The following TANGO6 variants were observed in gnomAD, a reference collection of about 807,000 sequenced individuals.
The protein encoded by TANGO6 is transport and golgi organization 6 homolog, also known as transport and Golgi organization protein 6 homolog.
Under a neutral mutation model 114.2 loss-of-function variants are expected in TANGO6, and 90 were observed. The observed-to-expected ratio is 0.79, with a 90% confidence interval of 0.66 to 0.94. The LOEUF (loss-of-function observed/expected upper bound fraction) is 0.94, where lower values mean the gene tolerates loss of function less well. Ranked by LOEUF, TANGO6 falls within the 40% of genes least tolerant of loss-of-function variation. The pLI is 0.00. For synonymous variants in TANGO6, 477 were observed against 509.8 expected (o/e 0.94, Z 0.87); for missense variants, 1,274 against 1,315.3 (o/e 0.97, Z 0.49).
intron 17 of TANGO6, among the ~76,000 whole-genome samples, chr16:69,053,308 C>T (rs1959982992): frequency 6.6e-6 from 1 of 152,172 alleles, no homozygotes; most frequent in Admixed American, 6.6e-5. Context: ...TTTTTAATAT[C>T]AGCATTCAGT....
intron 17 of TANGO6, among the ~76,000 whole-genome samples, chr16:69,069,299 G>A (rs1960263439): frequency 6.6e-6 from 1 of 152,134 alleles, no homozygotes; most frequent in Non-Finnish European, 1.5e-5. Flanking sequence ...CACAATGTGG[G>A]AAATTTTGCT....
intron 14 of TANGO6, chr16:68,973,123 C>T (rs1481305547): frequency 2.2e-6 from 1 of 455,942 alleles, no homozygotes; most frequent in Middle Eastern, 3.3e-4. Context: ...CAAATAGCTC[C>T]ATCTGCAATG....
At chr16:68,922,193 G>T (rs1416303549) in intron 12 of TANGO6, among the ~76,000 whole-genome samples, 1 of 150,986 alleles carries the variant, frequency 6.6e-6, no homozygotes, top group Admixed American at 6.6e-5. Flanking sequence ...GAGTTAATTT[G>T]GAAAAAGCAT....
intron 17 of TANGO6, among the ~76,000 whole-genome samples, chr16:69,067,552 GCAC>G (rs1960234713): frequency 6.9e-6 from 1 of 144,152 alleles, no homozygotes. Context: ...GGGCGCCGTG[GCAC>G]ACGCCTATAA....
chr16:69,011,888 C>A (rs971644839), intron 15 of TANGO6, among the ~76,000 whole-genome samples: 6 of 152,174 alleles, frequency 3.9e-5, no homozygotes, highest in Non-Finnish European at 5.9e-5. Context: ...CTTCCAAATT[C>A]TAATTTGTTA....
At chr16:69,074,233 A>C (rs1403062014) in intron 17 of TANGO6, among the ~76,000 whole-genome samples, 2 of 152,098 alleles carry the variant, frequency 1.3e-5, no homozygotes, top group African/African-American at 2.4e-5. Flanking sequence ...GGGAAAACAA[A>C]TAACAACAAC....
intron 15 of TANGO6, among the ~76,000 whole-genome samples, chr16:68,990,107 C>G (rs1242878640): frequency 3.3e-5 from 5 of 152,150 alleles, no homozygotes; most frequent in African/African-American, 7.2e-5. Context: ...GATCACAGCT[C>G]AATGCAGCCT....
At chr16:68,883,898 C>T (rs568131566) in intron 7 of TANGO6, among the ~76,000 whole-genome samples, 1 of 152,084 alleles carries the variant, frequency 6.6e-6, no homozygotes, top group Admixed American at 6.6e-5. Context: ...AACTCATTCT[C>T]CATAGCATTC....
At chr16:69,067,659 C>T (rs935375871) in intron 17 of TANGO6, among the ~76,000 whole-genome samples, 2 of 145,760 alleles carry the variant, frequency 1.4e-5, no homozygotes, top group East Asian at 2.1e-4. Flanking sequence ...CTCTACTGGC[C>T]GGGCACAGTG....
Position 68,860,121 on chromosome 16 carries a change from G to A in TANGO6, c.332G>A (p.Arg111His), listed in dbSNP as rs199965791. 2,570 of 1,613,958 alleles carry A rather than the reference G, an allele frequency of 1.6e-3. No individual in the cohort carries two copies. Among genetic ancestry groups the A allele is most frequent in the Non-Finnish European group, 2.0e-3 (2,413 of 1,179,892 alleles). Residue 111 changes from arginine (R) to histidine (H), a missense_variant, in exon 2 of 18, where the codon CGC becomes CAC. By Grantham distance (29) the Arg-to-His change is conservative. This residue lies in a region of TANGO6 where 908 missense variants were observed against 910.2 expected (regional missense o/e 1.00). Transcript: ENST00000261778. ...LLLCLKETMI[R>H]LAANFNPGKP... ...TTGTGCTTGAAGGAAACCATGATCCGCCTTGCAGCTAATTTCAATCCAGGT... is the reference window on the plus strand; with the variant it reads ...TTGTGCTTGAAGGAAACCATGATCCACCTTGCAGCTAATTTCAATCCAGGT...
Position 69,051,549 on chromosome 16 carries a change from A to T in TANGO6, c.3108+11128A>T, listed in dbSNP as rs540694854. Among the ~76,000 whole-genome samples, 9 of 152,192 alleles carry T rather than the reference A, an allele frequency of 5.9e-5. No homozygotes were observed. In the East Asian group the frequency reaches 1.3e-3, roughly 23 times the overall value. On this transcript the variant is annotated intron_variant, in intron 17 of 17. Transcript: ENST00000261778. ...AATACAAAAATTAACTGGGTGTGGTATTGGGTGCCTGTAATCCCAGCTACT... is the reference window on the plus strand; with the variant it reads ...AATACAAAAATTAACTGGGTGTGGTTTTGGGTGCCTGTAATCCCAGCTACT...
chr16:68,859,222 G>A (rs1205276539), intron 1 of TANGO6, among the ~76,000 whole-genome samples: 1 of 152,104 alleles, frequency 6.6e-6, no homozygotes, highest in African/African-American at 2.4e-5. Flanking sequence ...CCAGGCTAGA[G>A]TGCGGTGGCG....
At position 69,029,111 on chromosome 16, in the gene TANGO6, A is replaced by C. The variant is rs139770964; in HGVS notation, c.2994+6132A>C. 5.3e-3 allele frequency among the ~76,000 whole-genome samples: 801 copies of C among 152,324 alleles called. 11 individuals are homozygous for C. The Middle Eastern group carries it at 0.085, about 16-fold the overall frequency. On this transcript the variant is annotated intron_variant, in intron 16 of 17. Coordinates refer to ENST00000261778, the MANE Select transcript of TANGO6 (RefSeq NM_024562.2). ...GCATGCTAGCAGCATATGATTTACTATCCAAAGTGTTAAGAGAAATTTCTT... is the reference window on the plus strand; with the variant it reads ...GCATGCTAGCAGCATATGATTTACTCTCCAAAGTGTTAAGAGAAATTTCTT...
At chr16:68,976,971 A>G (rs1049290320) in intron 15 of TANGO6, among the ~76,000 whole-genome samples, 9 of 152,220 alleles carry the variant, frequency 5.9e-5, no homozygotes, top group African/African-American at 2.2e-4. Context: ...AGAAGATATA[A>G]TCTTAACTTC....
chr16:68,884,147 C>A (rs894734550), intron 7 of TANGO6, among the ~76,000 whole-genome samples: 1 of 152,116 alleles, frequency 6.6e-6, no homozygotes, highest in African/African-American at 2.4e-5. Context: ...TGACCTCAAG[C>A]AATCCCCCTG....
chr16:68,884,157 G>T (rs1419719764), intron 7 of TANGO6, among the ~76,000 whole-genome samples: 3 of 152,116 alleles, frequency 2.0e-5, no homozygotes, highest in Non-Finnish European at 4.4e-5. Context: ...CAATCCCCCT[G>T]CCTTGTCCTT....
chr16:68,960,498 A>T (rs1963578431), intron 14 of TANGO6, among the ~76,000 whole-genome samples: 1 of 151,236 alleles, frequency 6.6e-6, no homozygotes, highest in South Asian at 2.1e-4. Context: ...ATTAATTATT[A>T]TTCTTATTTA....
At chr16:68,879,133 A>T (rs1962417516) in intron 6 of TANGO6, among the ~76,000 whole-genome samples, 2 of 152,138 alleles carry the variant, frequency 1.3e-5, no homozygotes, top group Non-Finnish European at 2.9e-5. Flanking sequence ...AAGACTTATT[A>T]TAAAACTTTA....
At chr16:68,917,785 C>T (rs565613693) in intron 11 of TANGO6, among the ~76,000 whole-genome samples, 14 of 152,118 alleles carry the variant, frequency 9.2e-5, no homozygotes, top group Non-Finnish European at 1.9e-4. Flanking sequence ...TAGGATCTCT[C>T]TCTGTCACAC....
Sources: gnomAD v4.1 joint callset for allele counts (sites outside exome capture counted in the v4.1 genomes callset) on GRCh38, gnomAD v4.1.1 for gene constraint, gnomAD v4.1.1 regional missense constraint, MANE v1.5 for transcripts, NCBI Gene and HGNC (gene_info 2026-07-23, HGNC 2026-07-21) for gene names.